The following WWOX variants were observed in gnomAD, a reference collection of about 807,000 sequenced individuals.
WWOX encodes the protein WW domain containing oxidoreductase.
WWOX carries 69 observed loss-of-function variants against 46.2 expected under a neutral mutation model. The observed-to-expected ratio is 1.49, with a 90% CI of 1.23 to 1.82. The LOEUF is 1.82. WWOX is among the 40% of genes most tolerant of loss of function. WWOX has a pLI of 0.00. For synonymous variants in WWOX, 359 were observed against 202.6 expected, an observed-to-expected ratio of 1.77 and a Z score of -6.56; for missense variants, 919 against 542.6, an observed-to-expected ratio of 1.69 and a Z score of -6.89.
chr16:78,825,727 G>T, intron 8 of WWOX: 1 of 573,020 alleles, frequency 1.7e-6, no homozygotes, highest in Admixed American at 2.2e-5. Flanking sequence ...AAATCCATGA[G>T]TTTGTGGATG....
At chr16:78,221,288 G>A (rs748604853) in intron 5 of WWOX, among the ~76,000 whole-genome samples, 4 of 152,116 alleles carry the variant, frequency 2.6e-5, no homozygotes, top group South Asian at 2.1e-4. Context: ...TAAACTGTTC[G>A]TTGTATGGAG....
intron 8 of WWOX, among the ~76,000 whole-genome samples, chr16:78,460,100 C>T (rs776554318): frequency 7.2e-5 from 11 of 151,826 alleles, no homozygotes; most frequent in Non-Finnish European, 1.0e-4. Context: ...AGCCACTGTA[C>T]CTGGACTCCA....
At chr16:78,327,896 T>TTTTG (rs1567503697) in intron 5 of WWOX, among the ~76,000 whole-genome samples, 1 of 105,094 alleles carries the variant, frequency 9.5e-6, no homozygotes, top group Non-Finnish European at 1.8e-5. Context: ...TTTTTTTTTT[T>TTTTG]GAGATGATCT....
At chr16:79,081,039 C>G (rs775002688) in intron 8 of WWOX, among the ~76,000 whole-genome samples, 1 of 152,144 alleles carries the variant, frequency 6.6e-6, no homozygotes, top group Non-Finnish European at 1.5e-5. Flanking sequence ...ACTTCTCACT[C>G]ATAGATTTGA....
intron 8 of WWOX, among the ~76,000 whole-genome samples, chr16:78,750,069 T>A (rs2049440101): frequency 6.6e-6 from 1 of 152,134 alleles, no homozygotes; most frequent in African/African-American, 2.4e-5. Flanking sequence ...TAAGACAGCA[T>A]ATGGAAGGCA....
chr16:78,871,259 A>G (rs1290575165), intron 8 of WWOX, among the ~76,000 whole-genome samples: 1 of 151,084 alleles, frequency 6.6e-6, no homozygotes, highest in Non-Finnish European at 1.5e-5. Context: ...TTTTCCCCCC[A>G]TGGCTTCGTC....
chr16:78,157,485 C>A (rs534511730), intron 4 of WWOX, among the ~76,000 whole-genome samples: 3 of 152,162 alleles, frequency 2.0e-5, no homozygotes, highest in Admixed American at 1.3e-4. Context: ...GATACAGCTT[C>A]AAAAACCTTT....
chr16:78,490,552 C>T (rs1320185463), intron 8 of WWOX, among the ~76,000 whole-genome samples: 2 of 152,140 alleles, frequency 1.3e-5, no homozygotes, highest in East Asian at 3.9e-4. Flanking sequence ...AGACTTCTGG[C>T]TTGTTGTGGG....
intron 8 of WWOX, among the ~76,000 whole-genome samples, chr16:78,534,745 C>G (rs1029328899): frequency 6.6e-6 from 1 of 151,824 alleles, no homozygotes; most frequent in African/African-American, 2.4e-5. Flanking sequence ...GACAGAGTCT[C>G]TGTCTCCAGG....
chr16:78,286,647 G>T (rs2079771722), intron 5 of WWOX, among the ~76,000 whole-genome samples: 1 of 151,730 alleles, frequency 6.6e-6, no homozygotes, highest in South Asian at 2.1e-4. Flanking sequence ...CTTTTGGTAT[G>T]ATTTATAAGT....
chr16:78,317,126 C>T (rs903519418), intron 5 of WWOX, among the ~76,000 whole-genome samples: 12 of 152,204 alleles, frequency 7.9e-5, no homozygotes, highest in Admixed American at 5.9e-4. Context: ...CCATCTCACC[C>T]GTCCAAAGAA....
intron 8 of WWOX, among the ~76,000 whole-genome samples, chr16:78,722,996 C>G (rs1246815887): frequency 6.6e-6 from 1 of 152,078 alleles, no homozygotes; most frequent in Non-Finnish European, 1.5e-5. Flanking sequence ...GAGCCATGAT[C>G]ACACTGGAGC....
At chr16:78,982,267 C>A (rs746073356) in intron 8 of WWOX, among the ~76,000 whole-genome samples, 4 of 152,168 alleles carry the variant, frequency 2.6e-5, no homozygotes, top group Non-Finnish European at 5.9e-5. Context: ...TACAGACAGG[C>A]AAGTTTGAAT....
intron 8 of WWOX, among the ~76,000 whole-genome samples, chr16:79,146,485 T>G (rs2050185137): frequency 1.3e-5 from 2 of 151,910 alleles, no homozygotes; most frequent in Admixed American, 6.6e-5. Context: ...AGATTTGGAG[T>G]CGTAACGAGT....
At chr16:78,684,712 C>G (rs868334606) in intron 8 of WWOX, among the ~76,000 whole-genome samples, 1 of 152,184 alleles carries the variant, frequency 6.6e-6, no homozygotes, top group African/African-American at 2.4e-5. Flanking sequence ...TTGGTTTCAG[C>G]TGCTTTAAAC....
chr16:79,171,142 G>A (rs143297019), intron 8 of WWOX, among the ~76,000 whole-genome samples: 3 of 152,188 alleles, frequency 2.0e-5, no homozygotes, highest in African/African-American at 4.8e-5. Flanking sequence ...TGCAGGAGTT[G>A]CCTTGGATAT....
At chr16:78,174,238 G>C (rs1032151624) in intron 5 of WWOX, among the ~76,000 whole-genome samples, 10 of 152,226 alleles carry the variant, frequency 6.6e-5, no homozygotes, top group Admixed American at 5.2e-4. Flanking sequence ...ATGGTAGGAG[G>C]CGAAAGGCAC....
chr16:79,199,801 C>G (rs2051311673), intron 8 of WWOX, among the ~76,000 whole-genome samples: 1 of 152,144 alleles, frequency 6.6e-6, no homozygotes, highest in Admixed American at 6.5e-5. Context: ...GTGTTCCTCG[C>G]TGACACCTCC....
chr16:78,375,222 C>A (rs775337965), intron 5 of WWOX, among the ~76,000 whole-genome samples: 1 of 152,196 alleles, frequency 6.6e-6, no homozygotes, highest in African/African-American at 2.4e-5. Flanking sequence ...GATACTGTTA[C>A]ACGTTTACTG....
Sources: gnomAD v4.1 joint callset for allele counts (sites outside exome capture counted in the v4.1 genomes callset) on GRCh38, gnomAD v4.1.1 for gene constraint, MANE v1.5 for transcripts, NCBI Gene and HGNC (gene_info 2026-07-23, HGNC 2026-07-21) for gene names.